The following IMPACT variants were observed in gnomAD, a reference collection of about 807,000 sequenced individuals.
The protein encoded by IMPACT is impact RWD domain protein.
IMPACT carries 35 observed loss-of-function variants against 47.5 expected under a neutral mutation model. The ratio of observed to expected loss-of-function variants is 0.74; its 90% confidence interval spans 0.56 to 0.98. The LOEUF (loss-of-function observed/expected upper bound fraction) is 0.98, where lower values mean the gene tolerates loss of function less well. IMPACT is among the 50% of genes least tolerant of loss of function. IMPACT has a pLI of 0.00. For missense variants in IMPACT, 373 were observed against 394.8 expected, an observed-to-expected ratio of 0.94 and a Z score of 0.47; for synonymous variants, 118 against 125.6, an observed-to-expected ratio of 0.94 and a Z score of 0.40.
intron 4 of IMPACT, among the ~76,000 whole-genome samples, chr18:24,433,248 G>A (rs1346396786): frequency 7.7e-6 from 1 of 129,048 alleles, no homozygotes; most frequent in Non-Finnish European, 1.6e-5. Flanking sequence ...GCCGGACTGC[G>A]GACTGCAGTG....
At position 24,445,428 on chromosome 18, in the gene IMPACT, GA is replaced by G; in HGVS notation, c.634del (p.Ile212Ter). 1 of 1,605,958 alleles carries G rather than the reference GA, an allele frequency of 6.2e-7. No individual in the cohort carries two copies. The highest frequency in any genetic ancestry group is 8.5e-7 in the Non-Finnish European group (1 of 1,175,914). ...MVLSKLYENK[K>X]IASATHNIYA... Reference sequence around the variant, plus strand: ...TTCTTTCCAAATTGTATGAGAATAAGAAAATAGCTAGTGCCACCCACAACAT... The same window carrying G: ...TTCTTTCCAAATTGTATGAGAATAAGAAATAGCTAGTGCCACCCACAACAT... On this transcript the variant is annotated frameshift_variant, in exon 8 of 11. Coordinates refer to ENST00000284202, the MANE Select transcript of IMPACT (RefSeq NM_018439.4). LOFTEE classifies it high-confidence loss of function.
rs533994544 is a variant in IMPACT, at chr18:24,443,512, T to A, written c.594+360T>A. Among the ~76,000 whole-genome samples the A allele has an allele frequency of 3.2e-4, 49 of 152,326 alleles. 2 individuals are homozygous for A. Among genetic ancestry groups the A allele is most frequent in the South Asian group, 6.2e-4 (3 of 4,826 alleles). On this transcript the variant is annotated intron_variant, in intron 7 of 10. Coordinates refer to ENST00000284202, the MANE Select transcript of IMPACT (RefSeq NM_018439.4). ...TTCAAAATTGTATCTAAACTCTGAT[T>A]AGGGGTTAACCCTCTAATGAATCTT...
At chr18:24,437,092 T>G (rs1192136635) in intron 4 of IMPACT, among the ~76,000 whole-genome samples, 1 of 152,150 alleles carries the variant, frequency 6.6e-6, no homozygotes, top group Non-Finnish European at 1.5e-5. Flanking sequence ...TTTCGAAAGT[T>G]TTGGTGGGTG....
chr18:24,430,234 C>A, intron 3 of IMPACT, 88 bp from the exon 4 acceptor site: 1 of 904,922 alleles, frequency 1.1e-6, no homozygotes. Context: ...TTTTTAAAGC[C>A]AAAAAAATTT....
rs571702354 is a variant in IMPACT at position 24,452,988 on chromosome 18, G to A, written c.*2141G>A. On this transcript the variant is annotated 3_prime_UTR_variant, in exon 11 of 11. Coordinates refer to ENST00000284202, the MANE Select transcript of IMPACT (RefSeq NM_018439.4). ...GATAGGGTCTTTCTATGTTGCCCAG[G>A]CTCGTCTTGAGCTCCTGGCCTCAAT... is the stretch of plus-strand genomic sequence containing the variant. The A allele has an allele frequency of 6.6e-6, 1 of 152,206 alleles. No homozygotes were observed. The highest frequency in any genetic ancestry group is 6.5e-5 in the Admixed American group (1 of 15,268). 9.4% of individuals were successfully genotyped at this position (152,206 alleles called of 1,614,324 possible). A position where few individuals can be genotyped will look rare whatever the true frequency, so the allele number is the denominator to read the frequency against.
At chr18:24,428,448 CAGTTGT>C (rs1474762554) in intron 2 of IMPACT, among the ~76,000 whole-genome samples, 10 of 152,140 alleles carry the variant, frequency 6.6e-5, no homozygotes, top group South Asian at 2.1e-4. Context: ...GATCAATGAT[CAGTTGT>C]AGTTAGGATA....
intron 4 of IMPACT, among the ~76,000 whole-genome samples, chr18:24,434,927 A>G (rs1390243348): frequency 2.1e-5 from 3 of 145,082 alleles, no homozygotes; most frequent in Non-Finnish European, 3.0e-5. Context: ...TATATATATA[A>G]AAGCTAGGAT....
chr18:24,435,301 A>G (rs115138257), intron 4 of IMPACT: 1 of 152,296 alleles, frequency 6.6e-6, no homozygotes, highest in African/African-American at 2.4e-5. Context: ...TTGCATGTGA[A>G]TATTTTGAAT....
chr18:24,442,804 CT>C (rs1388869326), intron 6 of IMPACT, among the ~76,000 whole-genome samples: 3 of 152,162 alleles, frequency 2.0e-5, no homozygotes, highest in South Asian at 2.1e-4. Flanking sequence ...ACTGCTTCCC[CT>C]GGGTAACCTT....
At chr18:24,442,210 A>G (rs926224959) in intron 6 of IMPACT, among the ~76,000 whole-genome samples, 27 of 148,294 alleles carry the variant, frequency 1.8e-4, no homozygotes, top group African/African-American at 3.3e-4. Flanking sequence ...CTGGAGTTCA[A>G]TGGCACAAAC....
At chr18:24,435,989 A>G (rs1908927913) in intron 4 of IMPACT, among the ~76,000 whole-genome samples, 1 of 152,190 alleles carries the variant, frequency 6.6e-6, no homozygotes, top group South Asian at 2.1e-4. Flanking sequence ...CATATATCTC[A>G]AAGAGATGGA....
rs928439430 is a variant in IMPACT, at chr18:24,452,274, A to G, written c.*1427A>G. 2 of 152,186 alleles carry G rather than the reference A, an allele frequency of 1.3e-5. No individual in the cohort carries two copies. Among genetic ancestry groups the G allele is most frequent in the Non-Finnish European group, 2.9e-5 (2 of 68,022 alleles). The allele number at this position is 152,186 out of a possible 1,614,324, so 9.4% of individuals were successfully genotyped here. ...ATGGATTCTGAAATATAAATTCTAA[A>G]TTATATTTGTTATAACTATATTTTA... On this transcript the variant is annotated 3_prime_UTR_variant, in exon 11 of 11. Transcript: ENST00000284202.
chr18:24,444,671 C>T lies in IMPACT; in HGVS notation c.595-722C>T, dbSNP rs1019342539. On this transcript the variant is annotated intron_variant, in intron 7 of 10. Coordinates refer to ENST00000284202, the MANE Select transcript of IMPACT (RefSeq NM_018439.4). ...GCTGTGTAAAGCTTCCTGAACTTTT[C>T]TCTTTTTTGTTCCCACTAAGGTTGC... Among the ~76,000 whole-genome samples, 10 of 152,304 alleles carry T rather than the reference C, an allele frequency of 6.6e-5. No individual in the cohort carries two copies. The South Asian group carries it at 1.2e-3, about 19-fold the overall frequency.
intron 5 of IMPACT, 51 bp downstream of exon 5, chr18:24,438,091 T>G (rs1291977004): frequency 3.7e-6 from 3 of 807,668 alleles, no homozygotes; most frequent in Non-Finnish European, 6.2e-6. Flanking sequence ...ATAACTACAT[T>G]TTTATGTAGA....
chr18:24,431,940 G>A (rs1032197848), intron 4 of IMPACT, among the ~76,000 whole-genome samples: 6 of 152,140 alleles, frequency 3.9e-5, no homozygotes, highest in African/African-American at 7.2e-5. Context: ...GACCTTAAAT[G>A]ATCCACCCAC....
chr18:24,446,818 C>T (rs755271486), intron 8 of IMPACT, among the ~76,000 whole-genome samples: 2 of 152,168 alleles, frequency 1.3e-5, no homozygotes, highest in Admixed American at 6.5e-5. Context: ...AGACTACTCT[C>T]AGTCATTAAA....
chr18:24,436,835 C>T (rs1428188651), intron 4 of IMPACT, among the ~76,000 whole-genome samples: 6 of 152,046 alleles, frequency 3.9e-5, no homozygotes, highest in African/African-American at 9.7e-5. Context: ...ACACCACGCC[C>T]GGCTCTGGGA....
At chr18:24,440,716 T>A in intron 6 of IMPACT, 98 bp downstream of exon 6, 4 of 1,146,990 alleles carry the variant, frequency 3.5e-6, no homozygotes, top group Non-Finnish European at 4.7e-6. Flanking sequence ...TTTTCTCCAG[T>A]TTTAGGAAGG....
At chr18:24,427,180 C>T (rs2144327871) in intron 1 of IMPACT, 1 of 192,588 alleles carries the variant, frequency 5.2e-6, no homozygotes, top group East Asian at 1.2e-4. Flanking sequence ...CCCTGCAGGT[C>T]CCGAGAGCCC....
Sources: allele counts gnomAD v4.1 joint callset (sites outside exome capture counted in the v4.1 genomes callset), GRCh38; gene constraint gnomAD v4.1.1; transcripts MANE v1.5; gene names NCBI Gene and HGNC (gene_info 2026-07-23, HGNC 2026-07-21).